The following LRRTM1 variants were observed in gnomAD, a reference collection of about 807,000 sequenced individuals.
The protein encoded by LRRTM1 is leucine-rich repeat transmembrane neuronal protein 1.
LRRTM1 carries 8 observed loss-of-function variants against 37.3 expected under a neutral mutation model. The ratio of observed to expected loss-of-function variants is 0.21; its 90% CI spans 0.13 to 0.39. LRRTM1 has a LOEUF of 0.39. Among genes scored for constraint, LRRTM1 ranks in the 10% least tolerant of loss-of-function variants. The pLI, the probability that LRRTM1 is intolerant of heterozygous loss-of-function variation, is 1.00. For missense variants in LRRTM1, 557 were observed against 691.0 expected (o/e 0.81, Z 2.17); for synonymous variants, 326 against 316.8 (o/e 1.03, Z -0.31).
Position 80,302,784 on chromosome 2 carries a change from C to T in LRRTM1, c.1036G>A (p.Glu346Lys). Residue 346 changes from glutamate (E) to lysine (K), a missense_variant, in exon 2 of 2, where the codon GAG becomes AAG. By Grantham distance (56) the Glu-to-Lys change is moderately conservative. Transcript: ENST00000295057. This position sits in a 1 kb window ranked among gnomAD's most constrained non-coding sequence, Gnocchi z 6.4. Reference sequence around the variant, plus strand: ...AGGACGTCCTCGCCCTGTGCGTACTCCGGGCTGGCGCACTGCAAGTTGCCA... The same window carrying T: ...AGGACGTCCTCGCCCTGTGCGTACTTCGGGCTGGCGCACTGCAAGTTGCCA... ...YDGNLQCASPEYAQGEDVLDA... is the reference protein window; with the variant it reads ...YDGNLQCASPKYAQGEDVLDA... 6.2e-7 allele frequency: 1 copy of T among 1,613,446 alleles called. No individual in the cohort carries two copies. The highest frequency in any genetic ancestry group is 8.5e-7 in the Non-Finnish European group (1 of 1,179,874).
Position 80,302,177 on chromosome 2 carries a change from G to A in LRRTM1, c.*74C>T. On this transcript the variant is annotated 3_prime_UTR_variant, in exon 2 of 2. Transcript: ENST00000295057. This position sits in a 1 kb window ranked among gnomAD's most constrained non-coding sequence, Gnocchi z 6.4. Reference sequence around the variant, plus strand: ...TCAGAGCACAGACAAGGAGACCCCAGCCTGGTGCCCGCCGGCCCGTCCCGG... The same window carrying A: ...TCAGAGCACAGACAAGGAGACCCCAACCTGGTGCCCGCCGGCCCGTCCCGG... The A allele has an allele frequency of 6.5e-7, 1 of 1,549,090 alleles. No individual in the cohort carries two copies. Among genetic ancestry groups the A allele is most frequent in the Non-Finnish European group, 8.7e-7 (1 of 1,146,900 alleles).
intron 2 of LRRTM1, among the ~76,000 whole-genome samples, chr2:80,290,388 T>A (rs536249872): frequency 1.3e-5 from 2 of 152,028 alleles, no homozygotes; most frequent in Admixed American, 1.3e-4. Flanking sequence ...GACCTTCTCA[T>A]TTCTTCCCCA....
chr2:80,300,299 T>G (rs1198272678), downstream of LRRTM1, among the ~76,000 whole-genome samples: 25 of 144,614 alleles, frequency 1.7e-4, no homozygotes, highest in African/African-American at 6.9e-4. Context: ...TGTGTGTGTG[T>G]GTGTGTGTGT....
At position 80,303,109 on chromosome 2, in the gene LRRTM1, C is replaced by A. The variant is rs752633874; in HGVS notation, c.711G>T (p.Ser237=). ...CCACCTTGTTCCTCCGCAGGCAGAGCGAGTGCAGGGAGATGAGGCGCGGGA... is the reference window on the plus strand; with the variant it reads ...CCACCTTGTTCCTCCGCAGGCAGAGAGAGTGCAGGGAGATGAGGCGCGGGA... ...AHFPRLISLH[S]LCLRRNKVAI... Residue 237 remains serine, a synonymous_variant, in exon 2 of 2, where the codon TCG becomes TCT. Transcript: ENST00000295057. This position sits in a 1 kb window ranked among gnomAD's most constrained non-coding sequence, Gnocchi z 7.7. The A allele has an allele frequency of 3.7e-6, 6 of 1,613,924 alleles. No homozygotes were observed. Among genetic ancestry groups the A allele is most frequent in the South Asian group, 1.1e-5 (1 of 91,084 alleles).
chr2:80,303,574 G>A lies in LRRTM1; in HGVS notation c.246C>T (p.Ala82=), dbSNP rs751884495. Residue 82 remains alanine, a synonymous_variant, in exon 2 of 2, where the codon GCC becomes GCT. Coordinates refer to ENST00000295057, the MANE Select transcript of LRRTM1 (RefSeq NM_178839.5). This position sits in a 1 kb window ranked among gnomAD's most constrained non-coding sequence, Gnocchi z 7.7. ...LRYNSLSELR[A]GQFTGLMQLT... ...GCTGCATTAACCCCGTGAACTGGCCGGCGCGCAGCTCCGAGAGGCTGTTGT... is the reference window on the plus strand; with the variant it reads ...GCTGCATTAACCCCGTGAACTGGCCAGCGCGCAGCTCCGAGAGGCTGTTGT... 11 of 1,614,230 alleles carry A rather than the reference G, an allele frequency of 6.8e-6. No homozygotes were observed. The highest frequency in any genetic ancestry group is 9.3e-6 in the Non-Finnish European group (11 of 1,180,044).
At chr2:80,292,435 G>A (rs1360288058) in intron 2 of LRRTM1, among the ~76,000 whole-genome samples, 1 of 152,026 alleles carries the variant, frequency 6.6e-6, no homozygotes, top group Non-Finnish European at 1.5e-5. Context: ...CCCAACCTCA[G>A]TTTACCTGTT....
chr2:80,296,471 C>T (rs1280397702), intron 2 of LRRTM1, among the ~76,000 whole-genome samples: 2 of 152,122 alleles, frequency 1.3e-5, no homozygotes, highest in Non-Finnish European at 2.9e-5. Context: ...TAAGTTTTGC[C>T]ATATGTTCTT....
At chr2:80,291,525 C>G (rs1675238890) in intron 2 of LRRTM1, among the ~76,000 whole-genome samples, 1 of 152,188 alleles carries the variant, frequency 6.6e-6, no homozygotes. Flanking sequence ...GAGCAGCATC[C>G]AACTATGGCT....
chr2:80,300,890 C>T (rs1262832700), downstream of LRRTM1, among the ~76,000 whole-genome samples: 1 of 151,284 alleles, frequency 6.6e-6, no homozygotes, highest in Non-Finnish European at 1.5e-5. Context: ...ACTGAAATCT[C>T]AATGATGGAC....
At chr2:80,295,945 T>C (rs1038468676) in intron 2 of LRRTM1, among the ~76,000 whole-genome samples, 1 of 152,226 alleles carries the variant, frequency 6.6e-6, no homozygotes, top group African/African-American at 2.4e-5. Flanking sequence ...AGTTTGCAGT[T>C]CTTGTATCTC....
At chr2:80,291,359 A>G (rs1675219920) in intron 2 of LRRTM1, among the ~76,000 whole-genome samples, 1 of 152,230 alleles carries the variant, frequency 6.6e-6, no homozygotes, top group Non-Finnish European at 1.5e-5. Flanking sequence ...GACCTAAGAA[A>G]GAAAGGTCTG....
chr2:80,300,405 G>T (rs114769321), downstream of LRRTM1, among the ~76,000 whole-genome samples: 2,700 of 151,408 alleles, frequency 0.018, 89 homozygotes, highest in African/African-American at 0.062. Context: ...GAGACTCTTA[G>T]AAATACTATT....
chr2:80,299,281 T>G (rs986377495), downstream of LRRTM1: 1 of 152,164 alleles, frequency 6.6e-6, no homozygotes, highest in Non-Finnish European at 1.5e-5. Context: ...GCTTAAAGAT[T>G]AATTAATTTG....
At position 80,302,017 on chromosome 2, in the gene LRRTM1, AAGAT is replaced by A; in HGVS notation, c.*230_*233del. 1 of 469,974 alleles carries A rather than the reference AAGAT, an allele frequency of 2.1e-6. No homozygotes were observed. The highest frequency in any genetic ancestry group is 3.7e-6 in the Non-Finnish European group (1 of 271,646). 29.1% of individuals were successfully genotyped at this position (469,974 alleles called of 1,614,324 possible). ...AGGAAGGAGTTCTCATATGAAATTT[AAGAT>A]AGACTGTCCTGAAGGTTGTGGGGTG... On this transcript the variant is annotated 3_prime_UTR_variant, in exon 2 of 2. Coordinates refer to ENST00000295057, the MANE Select transcript of LRRTM1 (RefSeq NM_178839.5). The surrounding 1 kb of genome is among the most constrained non-coding windows in gnomAD (Gnocchi z 6.4).
chr2:80,296,537 G>A (rs1218822130), intron 2 of LRRTM1, among the ~76,000 whole-genome samples: 1 of 152,074 alleles, frequency 6.6e-6, no homozygotes, highest in Non-Finnish European at 1.5e-5. Flanking sequence ...TGAACCTAAG[G>A]GCTTTTAATT....
downstream of LRRTM1, among the ~76,000 whole-genome samples, chr2:80,300,775 T>C (rs578049848): frequency 2.0e-5 from 3 of 152,270 alleles, no homozygotes; most frequent in East Asian, 5.8e-4. Context: ...TAAATTGTCA[T>C]CTGATGAAGG....
At chr2:80,288,373 T>C (rs1377437016) in exon 3 of LRRTM1, 1 of 152,210 alleles carries the variant, frequency 6.6e-6, no homozygotes, top group African/African-American at 2.4e-5. Flanking sequence ...TGTATTAACA[T>C]TCTTTAATAT....
At chr2:80,298,585 TG>T (rs1268008956), downstream of LRRTM1, 3 of 152,186 alleles carry the variant, frequency 2.0e-5, no homozygotes, top group African/African-American at 7.2e-5. Context: ...TTGGAAAACT[TG>T]GGAGGAATAA....
At chr2:80,294,779 G>C (rs926583094) in intron 2 of LRRTM1, among the ~76,000 whole-genome samples, 1 of 152,308 alleles carries the variant, frequency 6.6e-6, no homozygotes, top group Middle Eastern at 3.4e-3. Flanking sequence ...AGCCAGGGTT[G>C]ACAAGCACTC....
Sources: gnomAD v4.1 joint callset for allele counts (sites outside exome capture counted in the v4.1 genomes callset) on GRCh38, gnomAD v4.1.1 for gene constraint, Gnocchi (gnomAD v3.1) non-coding constraint, MANE v1.5 for transcripts, NCBI Gene and HGNC (gene_info 2026-07-23, HGNC 2026-07-21) for gene names.